SLC22A23: variants seen among roughly 807,000 people sequenced by gnomAD.
SLC22A23 encodes the protein solute carrier family 22 member 23.
Under a neutral mutation model 61.0 loss-of-function variants are expected in SLC22A23, and 26 were observed. The ratio of observed to expected loss-of-function variants is 0.43; its 90% CI spans 0.31 to 0.59. The LOEUF (loss-of-function observed/expected upper bound fraction) is 0.59. Ranked by LOEUF, SLC22A23 falls within the 20% of genes least tolerant of loss-of-function variation. The pLI is 0.11. For synonymous variants in SLC22A23, 430 were observed against 413.9 expected (o/e 1.04, Z -0.47); for missense variants, 796 against 934.7 (o/e 0.85, Z 1.94).
intron 1 of SLC22A23, chr6:3,438,529 A>G (rs1489780320): frequency 4.4e-6 from 2 of 456,722 alleles, no homozygotes; most frequent in Non-Finnish European, 4.4e-6. Flanking sequence ...CCCACGGGAG[A>G]GCTCCAGTTT....
intron 5 of SLC22A23, among the ~76,000 whole-genome samples, chr6:3,295,701 T>C (rs899153637): frequency 2.0e-5 from 3 of 152,116 alleles, no homozygotes; most frequent in Admixed American, 6.5e-5. Flanking sequence ...GTGGGAGATG[T>C]AGCAACTGAA....
At chr6:3,339,778 A>G (rs1764052698) in intron 3 of SLC22A23, among the ~76,000 whole-genome samples, 1 of 152,212 alleles carries the variant, frequency 6.6e-6, no homozygotes, top group African/African-American at 2.4e-5. Context: ...CTTGTTTAGC[A>G]TATCATCAAA....
At chr6:3,274,666 G>A (rs1758731810) in intron 9 of SLC22A23, among the ~76,000 whole-genome samples, 1 of 152,132 alleles carries the variant, frequency 6.6e-6, no homozygotes, top group Non-Finnish European at 1.5e-5. Flanking sequence ...AAGGTCACAA[G>A]ATAAAAGATC....
intron 4 of SLC22A23, among the ~76,000 whole-genome samples, chr6:3,298,796 C>A (rs914400873): frequency 6.6e-6 from 1 of 151,634 alleles, no homozygotes; most frequent in Non-Finnish European, 1.5e-5. Context: ...CAAGGTGAAA[C>A]CCCGTCTCTA....
In SLC22A23 at chr6:3,318,979, C is replaced by T. The variant is rs1293621813; in HGVS notation, c.1082+4855G>A. Among the ~76,000 whole-genome samples, 1 of 152,210 alleles carries T rather than the reference C, an allele frequency of 6.6e-6. No homozygotes were observed. The highest frequency in any genetic ancestry group is 2.4e-5 in the African/African-American group (1 of 41,438). On this transcript the variant is annotated intron_variant, in intron 4 of 9. Coordinates refer to ENST00000406686, the MANE Select transcript of SLC22A23 (RefSeq NM_015482.2). This position sits in a 1 kb window ranked among gnomAD's most constrained non-coding sequence, Gnocchi z 4.3. Reference sequence around the variant, plus strand: ...CAGCCCTCTGCAGGTGACACCCAGCCTTCCCCAGTGCAGGCACCAGGATGT... The same window carrying T: ...CAGCCCTCTGCAGGTGACACCCAGCTTTCCCCAGTGCAGGCACCAGGATGT...
chr6:3,375,534 A>G (rs1173728778), intron 3 of SLC22A23, among the ~76,000 whole-genome samples: 1 of 152,248 alleles, frequency 6.6e-6, no homozygotes, highest in East Asian at 1.9e-4. Flanking sequence ...TGCTGAGGCC[A>G]TCACTGTGGG....
At chr6:3,325,773 A>G (rs962062625) in intron 3 of SLC22A23, among the ~76,000 whole-genome samples, 8 of 152,266 alleles carry the variant, frequency 5.3e-5, no homozygotes, top group African/African-American at 1.9e-4. Context: ...AGAAATCTAT[A>G]TTAGCCACGG....
intron 3 of SLC22A23, among the ~76,000 whole-genome samples, chr6:3,359,714 A>C (rs1765319727): frequency 6.6e-6 from 1 of 152,196 alleles, no homozygotes. Context: ...ACCCCCCAAA[A>C]GTGAAAGCAA....
intron 1 of SLC22A23, among the ~76,000 whole-genome samples, chr6:3,424,799 G>A (rs992821603): frequency 3.3e-5 from 5 of 152,178 alleles, no homozygotes; most frequent in African/African-American, 1.2e-4. Context: ...CACTACAGCG[G>A]CAGAGTCGAA....
chr6:3,276,873 G>A (rs1417898143), intron 9 of SLC22A23: 1 of 152,252 alleles, frequency 6.6e-6, no homozygotes, highest in East Asian at 1.9e-4. Context: ...TGCCACAAAG[G>A]TGCGAGTGCC....
Position 3,357,346 on chromosome 6 carries a change from T to A in SLC22A23, c.914-33344A>T, listed in dbSNP as rs1021293422. On this transcript the variant is annotated intron_variant, in intron 3 of 9. Coordinates refer to ENST00000406686, the MANE Select transcript of SLC22A23 (RefSeq NM_015482.2). ...TCCAGACAGCTTTCCTAATTTTTAT[T>A]TTTAAATGGGGTTGTGGCTCAGCAA... Among the ~76,000 whole-genome samples the A allele has an allele frequency of 4.6e-5, 7 of 152,198 alleles. No individual in the cohort carries two copies. In the East Asian group the frequency reaches 1.3e-3, roughly 29 times the overall value.
chr6:3,344,901 G>A (rs1764336271), intron 3 of SLC22A23, among the ~76,000 whole-genome samples: 1 of 149,058 alleles, frequency 6.7e-6, no homozygotes, highest in South Asian at 2.2e-4. Flanking sequence ...TGGCAGCCTG[G>A]GCTGAGGAAA....
rs1245049600 is a variant in SLC22A23 at position 3,414,491 on chromosome 6, A to G, written c.758+1261T>C. On this transcript the variant is annotated intron_variant, in intron 2 of 9. Transcript: ENST00000406686. The surrounding 1 kb of genome is among the most constrained non-coding windows in gnomAD (Gnocchi z 5.1). ...GCAAATCATGATGAGGCAGATGTCAAGCACACAGGAAATCACATTACATGT... is the reference window on the plus strand; with the variant it reads ...GCAAATCATGATGAGGCAGATGTCAGGCACACAGGAAATCACATTACATGT... Among the ~76,000 whole-genome samples the G allele has an allele frequency of 6.6e-6, 1 of 152,136 alleles. No homozygotes were observed. The highest frequency in any genetic ancestry group is 2.4e-5 in the African/African-American group (1 of 41,440).
intron 3 of SLC22A23, among the ~76,000 whole-genome samples, chr6:3,363,493 A>G (rs1765612123): frequency 6.6e-6 from 1 of 152,216 alleles, no homozygotes; most frequent in East Asian, 1.9e-4. Context: ...CAGGAATATG[A>G]GTCATGGTTT....
At chr6:3,445,927 G>A (rs1771874418) in intron 1 of SLC22A23, among the ~76,000 whole-genome samples, 1 of 152,168 alleles carries the variant, frequency 6.6e-6, no homozygotes, top group Non-Finnish European at 1.5e-5. Flanking sequence ...GCAGGGAAGT[G>A]ATGTGGGCAG....
In SLC22A23 at chr6:3,287,047, A is replaced by C. The variant is rs764396067; in HGVS notation, c.1358T>G (p.Met453Arg). Reference sequence around the variant, plus strand: ...GAGCGGCACCTTCACCTCGTGGCCCATCATGCTCCTGGCAAAGCAGTGGTG... The same window carrying C: ...GAGCGGCACCTTCACCTCGTGGCCCCTCATGCTCCTGGCAAAGCAGTGGTG... The part of the protein sequence containing the change: ...GIHHCFARSM[M>R]GHEVKVPLLE... Residue 453 changes from methionine to arginine, a missense_variant, in exon 7 of 10, where the codon ATG (methionine) becomes AGG (arginine). Transcript: ENST00000406686. 6.2e-7 allele frequency: 1 copy of C among 1,614,116 alleles called. No homozygotes were observed. Among genetic ancestry groups the C allele is most frequent in the African/African-American group, 1.3e-5 (1 of 74,940 alleles).
At chr6:3,413,388 C>T (rs1462447772) in intron 2 of SLC22A23, among the ~76,000 whole-genome samples, 1 of 152,214 alleles carries the variant, frequency 6.6e-6, no homozygotes, top group African/African-American at 2.4e-5. Flanking sequence ...CCCCACTGGC[C>T]ACACTCGGCC....
intron 3 of SLC22A23, among the ~76,000 whole-genome samples, chr6:3,398,901 T>C (rs1331408345): frequency 6.6e-6 from 1 of 152,108 alleles, no homozygotes; most frequent in Non-Finnish European, 1.5e-5. Flanking sequence ...CGGTGGTGCA[T>C]GCCTGTGGTC....
intron 3 of SLC22A23, among the ~76,000 whole-genome samples, chr6:3,373,767 A>T (rs1003094676): frequency 4.6e-5 from 7 of 152,230 alleles, no homozygotes; most frequent in African/African-American, 1.7e-4. Context: ...TTACACACTC[A>T]GGGGACAGTG....
Sources: gnomAD v4.1 joint callset for allele counts (sites outside exome capture counted in the v4.1 genomes callset) on GRCh38, gnomAD v4.1.1 for gene constraint, Gnocchi (gnomAD v3.1) non-coding constraint, MANE v1.5 for transcripts, NCBI Gene and HGNC (gene_info 2026-07-23, HGNC 2026-07-21) for gene names.